GABBR1: variants seen among roughly 807,000 people sequenced by gnomAD.
The protein encoded by GABBR1 is gamma-aminobutyric acid type B receptor subunit 1.
A neutral mutation model predicts 117.7 loss-of-function variants in GABBR1; 35 were observed. That is an observed-to-expected ratio of 0.30 (90% confidence interval 0.23 to 0.39). The LOEUF is 0.39. GABBR1 is among the 10% of genes least tolerant of loss of function. The pLI, the probability that GABBR1 is intolerant of heterozygous loss-of-function variation, is 1.00. For synonymous variants in GABBR1, 442 were observed against 486.6 expected (o/e 0.91, Z 1.21); for missense variants, 709 against 1,241.8 (o/e 0.57, Z 6.45).
In GABBR1 at chr6:29,630,655, T is replaced by C. The variant is rs370725193; in HGVS notation, c.290-12A>G. 3.1e-6 allele frequency: 5 copies of C among 1,596,300 alleles called. No homozygotes were observed. Among genetic ancestry groups the C allele is most frequent in the Admixed American group, 1.7e-5 (1 of 59,544 alleles). On this transcript the variant is annotated splice_polypyrimidine_tract_variant and intron_variant, in intron 3 of 22. Coordinates refer to ENST00000377034, the MANE Select transcript of GABBR1 (RefSeq NM_001470.4). This position sits in a 1 kb window ranked among gnomAD's most constrained non-coding sequence, Gnocchi z 4.9. Reference sequence around the variant, plus strand: ...GGAGCAGATTCGGACTGTGGAGAGATAGGAAAATAAGAAGAGAGGCGAGTT... The same window carrying C: ...GGAGCAGATTCGGACTGTGGAGAGACAGGAAAATAAGAAGAGAGGCGAGTT...
intron 11 of GABBR1, among the ~76,000 whole-genome samples, chr6:29,617,421 C>T (rs980811749): frequency 6.6e-6 from 1 of 151,176 alleles, no homozygotes; most frequent in African/African-American, 2.4e-5. Flanking sequence ...TGTGTCTCAG[C>T]CTCCCAAGTA....
Position 29,632,087 on chromosome 6 carries a change from G to C in GABBR1, c.85+214C>G, listed in dbSNP as rs1408448039. On this transcript the variant is annotated intron_variant, in intron 2 of 22. Coordinates refer to ENST00000377034, the MANE Select transcript of GABBR1 (RefSeq NM_001470.4). The surrounding 1 kb of genome is among the most constrained non-coding windows in gnomAD (Gnocchi z 5.8). ...AGAAAATGCACAGGAAGGTGGTATA[G>C]TGTAGCAATGTGGGCAGAGAAAAGA... Among the ~76,000 whole-genome samples, 1 of 152,088 alleles carries C rather than the reference G, an allele frequency of 6.6e-6. No homozygotes were observed. The highest frequency in any genetic ancestry group is 6.5e-5 in the Admixed American group (1 of 15,274).
rs370183406 is a variant in GABBR1, at chr6:29,622,070, C to T, written c.1065+34G>A. 3.2e-5 allele frequency: 51 copies of T among 1,576,886 alleles called. No individual in the cohort carries two copies. The African/African-American group carries it at 4.6e-4, about 14-fold the overall frequency. On this transcript the variant is annotated intron_variant, in intron 9 of 22. Coordinates refer to ENST00000377034, the MANE Select transcript of GABBR1 (RefSeq NM_001470.4). This position sits in a 1 kb window ranked among gnomAD's most constrained non-coding sequence, Gnocchi z 4.6. Reference sequence around the variant, plus strand: ...TCACTGTCCCCCAGCTTGGTCCCTCCGTAAACAGAGCCCACCACTCCCAGC... The same window carrying T: ...TCACTGTCCCCCAGCTTGGTCCCTCTGTAAACAGAGCCCACCACTCCCAGC...
chr6:29,608,795 G>C (rs1762230956), intron 15 of GABBR1, 62 bp from the exon 16 acceptor site: 2 of 1,571,310 alleles, frequency 1.3e-6, no homozygotes, highest in Non-Finnish European at 1.7e-6. Flanking sequence ...CAGGGAGGCT[G>C]AGCTCTCCAA....
At chr6:29,615,286 C>T (rs576458503) in intron 11 of GABBR1, among the ~76,000 whole-genome samples, 10 of 133,566 alleles carry the variant, frequency 7.5e-5, no homozygotes, top group Non-Finnish European at 1.3e-4. Context: ...AGCAAGACTC[C>T]GTCTCAAAAA....
intron 5 of GABBR1, chr6:29,628,131 A>T: frequency 6.6e-6 from 1 of 151,780 alleles, no homozygotes; most frequent in Non-Finnish European, 9.5e-6. Context: ...CTGGGGAGGC[A>T]GGAAGGGGGC....
chr6:29,629,295 A>T (rs1010994991), intron 4 of GABBR1, 188 bp from the exon 5 acceptor site: 10 of 707,744 alleles, frequency 1.4e-5, no homozygotes, highest in Non-Finnish European at 2.6e-5. Flanking sequence ...GTCAGGACTT[A>T]TTTTCTTCTT....
At chr6:29,615,769 A>T (rs1328257199) in intron 11 of GABBR1, among the ~76,000 whole-genome samples, 1 of 152,104 alleles carries the variant, frequency 6.6e-6, no homozygotes, top group East Asian at 1.9e-4. Context: ...AAATTTTTTT[A>T]AAAATTAGCC....
intron 11 of GABBR1, among the ~76,000 whole-genome samples, chr6:29,619,518 C>A (rs753854612): frequency 6.6e-6 from 1 of 152,148 alleles, no homozygotes; most frequent in Non-Finnish European, 1.5e-5. Flanking sequence ...TCTCTGTTCT[C>A]TCTCTCTCTC....
At position 29,604,773 on chromosome 6, in the gene GABBR1, G is replaced by C. The variant is rs916076733; in HGVS notation, c.2568+87C>G. 2.5e-6 allele frequency: 4 copies of C among 1,581,946 alleles called. No homozygotes were observed. In the African/African-American group the frequency reaches 4.0e-5, roughly 16 times the overall value. ...GGGGAGGAGTGAGAGGAGGGTGAAC[G>C]GAAGGGCAGAGGAACTCAGTAATAT... On this transcript the variant is annotated intron_variant, in intron 21 of 22. Transcript: ENST00000377034. This position sits in a 1 kb window ranked among gnomAD's most constrained non-coding sequence, Gnocchi z 5.3.
Position 29,606,192 on chromosome 6 carries a change from T to A in GABBR1, c.2311+199A>T, listed in dbSNP as rs1357293694. On this transcript the variant is annotated intron_variant, in intron 19 of 22. Transcript: ENST00000377034. The surrounding 1 kb of genome is among the most constrained non-coding windows in gnomAD (Gnocchi z 4.5). ...TCTGTGCTTTCTGTGCTTTGGGCCC[T>A]AAGCTCCTCATAGCAAAAGAGCAAC... The A allele has an allele frequency of 3.4e-6, 2 of 589,790 alleles. No homozygotes were observed. Among genetic ancestry groups the A allele is most frequent in the Non-Finnish European group, 6.0e-6 (2 of 330,682 alleles). The allele number at this position is 589,790 out of a possible 1,614,324, so 36.5% of individuals were successfully genotyped here.
intron 12 of GABBR1, 95 bp from the exon 13 acceptor site, chr6:29,612,709 A>G (rs554252806): frequency 2.8e-6 from 3 of 1,087,150 alleles, no homozygotes; most frequent in Non-Finnish European, 4.3e-6. Context: ...TTTTTGATGT[A>G]ATTGAGCCTC....
Position 29,630,223 on chromosome 6 carries a change from G to T in GABBR1, c.475+235C>A, listed in dbSNP as rs1239850734. 4.5e-6 allele frequency: 2 copies of T among 444,218 alleles called. No individual in the cohort carries two copies. The highest frequency in any genetic ancestry group is 1.9e-5 in the African/African-American group (1 of 51,308). 27.5% of individuals were successfully genotyped at this position (444,218 alleles called of 1,614,324 possible). On this transcript the variant is annotated intron_variant, in intron 4 of 22. Transcript: ENST00000377034. This position sits in a 1 kb window ranked among gnomAD's most constrained non-coding sequence, Gnocchi z 4.9. ...CGTGAGGTCTAAGAATCGGGAGCAGGAAGATTTTTTTAAAAGGTAAAGGAA... is the reference window on the plus strand; with the variant it reads ...CGTGAGGTCTAAGAATCGGGAGCAGTAAGATTTTTTTAAAAGGTAAAGGAA...
rs78592538 is a variant in GABBR1, at chr6:29,623,323, G to C, written c.945C>G (p.Thr315=). ...GWKKIATIQQ[T]TEVFTSTLDD... ...TCCTCACCGAAGTGAAGACCTCAGT[G>C]GTCTGCTGGATGGTAGCAATCTTCT... Residue 315 remains threonine (T), a synonymous_variant, in exon 8 of 23, where the codon ACC becomes ACG. Transcript: ENST00000377034. This position sits in a 1 kb window ranked among gnomAD's most constrained non-coding sequence, Gnocchi z 6.2. 680 of 1,614,020 alleles carry C rather than the reference G, an allele frequency of 4.2e-4. 2 individuals carry two copies. The highest frequency in any genetic ancestry group is 3.7e-3 in the African/African-American group (279 of 75,036).
intron 11 of GABBR1, among the ~76,000 whole-genome samples, chr6:29,616,698 AAAG>A (rs1408216803): frequency 1.3e-5 from 2 of 149,652 alleles, no homozygotes; most frequent in African/African-American, 2.5e-5. Flanking sequence ...AAAAAAAAAA[AAAG>A]TTAGCCAGAC....
In GABBR1 at chr6:29,606,585, C is replaced by A; in HGVS notation, c.2218-101G>T. On this transcript the variant is annotated intron_variant, in intron 18 of 22. Coordinates refer to ENST00000377034, the MANE Select transcript of GABBR1 (RefSeq NM_001470.4). This position sits in a 1 kb window ranked among gnomAD's most constrained non-coding sequence, Gnocchi z 4.5. ...CTTCCAACTGTTTTCCTATGAGACC[C>A]TCAATGCTGATGCCAAATCTCATTC... The A allele has an allele frequency of 2.4e-6, 2 of 841,926 alleles. No homozygotes were observed. The highest frequency in any genetic ancestry group is 1.8e-5 in the Admixed American group (1 of 54,552). The allele number at this position is 841,926 out of a possible 1,614,324, so 52.2% of individuals were successfully genotyped here. A position where few individuals can be genotyped will look rare whatever the true frequency, so the allele number is the denominator to read the frequency against.
intron 14 of GABBR1, among the ~76,000 whole-genome samples, chr6:29,610,068 TAAAA>T (rs28383948): frequency 8.0e-6 from 1 of 125,262 alleles, no homozygotes; most frequent in Non-Finnish European, 1.7e-5. Flanking sequence ...ATTCGAATTG[TAAAA>T]AAAAAAAAAA....
intron 14 of GABBR1, among the ~76,000 whole-genome samples, chr6:29,610,131 A>T (rs1218667782): frequency 6.6e-6 from 1 of 150,772 alleles, no homozygotes; most frequent in Non-Finnish European, 1.5e-5. Flanking sequence ...TCTGCTGGGC[A>T]GGGCAGACGG....
At position 29,631,734 on chromosome 6, in the gene GABBR1, C is replaced by T. The variant is rs1764997673; in HGVS notation, c.86-135G>A. 1.4e-6 allele frequency: 1 copy of T among 719,874 alleles called. No homozygotes were observed. The allele number at this position is 719,874 out of a possible 1,614,324, so 44.6% of individuals were successfully genotyped here. On this transcript the variant is annotated intron_variant, in intron 2 of 22. Coordinates refer to ENST00000377034, the MANE Select transcript of GABBR1 (RefSeq NM_001470.4). This position sits in a 1 kb window ranked among gnomAD's most constrained non-coding sequence, Gnocchi z 5.9. ...GGGACAGAGGAAGAGGGATGGGGCA[C>T]TAGAGGGTGGGAGTGGGGACAGGTA...
Sources: allele counts gnomAD v4.1 joint callset (sites outside exome capture counted in the v4.1 genomes callset), GRCh38; gene constraint gnomAD v4.1.1; non-coding constraint Gnocchi (gnomAD v3.1); transcripts MANE v1.5; gene names NCBI Gene and HGNC (gene_info 2026-07-23, HGNC 2026-07-21).